Variants in COL11A1 observed in about 807,000 individuals in gnomAD.
The protein encoded by COL11A1 is collagen alpha-1(XI) chain.
Under a neutral mutation model 265.2 loss-of-function variants are expected in COL11A1, and 74 were observed. The observed-to-expected ratio is 0.28, with a 90% CI of 0.23 to 0.34. COL11A1 has a LOEUF of 0.34. Among genes scored for constraint, COL11A1 ranks in the 10% least tolerant of loss-of-function variants. COL11A1 has a pLI of 1.00. For synonymous variants in COL11A1, 816 were observed against 727.6 expected (o/e 1.12, Z -1.96); for missense variants, 2,165 against 2,263.6 (o/e 0.96, Z 0.88).
chr1:102,942,765 ACT>A (rs1195033929), intron 42 of COL11A1, among the ~76,000 whole-genome samples: 1 of 151,962 alleles, frequency 6.6e-6, no homozygotes, highest in Non-Finnish European at 1.5e-5. Flanking sequence ...TTTTTATGGC[ACT>A]CTGATTCACA....
At chr1:103,032,691 T>G (rs1668075814) in intron 4 of COL11A1, among the ~76,000 whole-genome samples, 1 of 152,130 alleles carries the variant, frequency 6.6e-6, no homozygotes, top group Admixed American at 6.6e-5. Flanking sequence ...ACCTGTGGTG[T>G]GGTTGGCACT....
At chr1:103,061,938 C>T (rs1670707158) in intron 4 of COL11A1, among the ~76,000 whole-genome samples, 1 of 151,824 alleles carries the variant, frequency 6.6e-6, no homozygotes, top group Admixed American at 6.6e-5. Flanking sequence ...AATTTATAAG[C>T]CTCTAGCTAA....
At chr1:102,896,941 TA>T in intron 57 of COL11A1, among the ~76,000 whole-genome samples, 1 of 152,248 alleles carries the variant, frequency 6.6e-6, no homozygotes, top group African/African-American at 2.4e-5. Flanking sequence ...TATTCATAAG[TA>T]ATGGTACAGA....
Position 102,997,120 on chromosome 1 carries a change from T to G in COL11A1, c.2201A>C (p.His734Pro). ...TCCAGACTGGCCTTCTTTCCCAGGA[T>G]GACCCTATATTTAGCAAAAACATAC... ...GLPGADGPPGHPGKEGQSGEK... is the reference protein window; with the variant it reads ...GLPGADGPPGPPGKEGQSGEK... Residue 734 changes from histidine (H) to proline (P), a missense_variant, in exon 26 of 67, where the codon CAT (histidine) becomes CCT (proline). Physicochemically the swap from His to Pro is moderately conservative, Grantham distance 77. Coordinates refer to ENST00000370096, the MANE Select transcript of COL11A1 (RefSeq NM_001854.4). The G allele has an allele frequency of 1.2e-6, 2 of 1,611,698 alleles. No individual in the cohort carries two copies. Among genetic ancestry groups the G allele is most frequent in the Non-Finnish European group, 1.7e-6 (2 of 1,178,204 alleles).
intron 4 of COL11A1, among the ~76,000 whole-genome samples, chr1:103,049,308 G>T (rs1669585118): frequency 6.6e-6 from 1 of 152,128 alleles, no homozygotes; most frequent in South Asian, 2.1e-4. Context: ...ATATACTTAG[G>T]ATAGTTAGCT....
chr1:102,962,528 C>A (rs1661018114), intron 39 of COL11A1, 125 bp downstream of exon 39: 1 of 884,864 alleles, frequency 1.1e-6, no homozygotes, highest in South Asian at 1.4e-5. Flanking sequence ...AATAAACGCA[C>A]ATTAAATATT....
At position 103,012,485 on chromosome 1, in the gene COL11A1, T is replaced by C; in HGVS notation, c.1573-16A>G. The C allele has an allele frequency of 3.7e-6, 6 of 1,602,388 alleles. No homozygotes were observed. The highest frequency in any genetic ancestry group is 4.3e-6 in the Non-Finnish European group (5 of 1,169,972). On this transcript the variant is annotated splice_polypyrimidine_tract_variant and intron_variant, in intron 13 of 66. Transcript: ENST00000370096. ...TCAGAGCAATCTAGAAAACAAAATA[T>C]ATCAAATTCAGTAATATTCTCCTGG... is the stretch of plus-strand genomic sequence containing the variant.
chr1:103,095,172 AT>A (rs1673650533), intron 1 of COL11A1, among the ~76,000 whole-genome samples: 1 of 152,112 alleles, frequency 6.6e-6, no homozygotes, highest in Admixed American at 6.6e-5. Context: ...ATAAAATGGA[AT>A]AACAAACTAT....
intron 35 of COL11A1, 118 bp downstream of exon 35, chr1:102,978,590 C>G: frequency 9.1e-7 from 1 of 1,102,086 alleles, no homozygotes; most frequent in South Asian, 1.3e-5. Flanking sequence ...TAAATTCAGA[C>G]TAGATTTTGT....
chr1:102,971,156 A>G (rs1475965922), intron 36 of COL11A1, among the ~76,000 whole-genome samples: 2 of 152,248 alleles, frequency 1.3e-5, no homozygotes, highest in Non-Finnish European at 2.9e-5. Flanking sequence ...AATTTTTCCC[A>G]GTAGATTTTC....
intron 37 of COL11A1, among the ~76,000 whole-genome samples, chr1:102,966,224 G>T (rs142210138): frequency 0.023 from 3,561 of 152,168 alleles, 54 homozygotes; most frequent in Middle Eastern, 0.082. Flanking sequence ...CCACATAATT[G>T]TGTGAATATA....
At position 102,946,830 on chromosome 1, in the gene COL11A1, T is replaced by A. The variant is rs1160926129; in HGVS notation, c.3276+19A>T. 6.3e-7 allele frequency: 1 copy of A among 1,579,970 alleles called. No homozygotes were observed. Among genetic ancestry groups the A allele is most frequent in the Admixed American group, 1.7e-5 (1 of 59,648 alleles). ...TACAGGGTAGCAGCATAATATATTT[T>A]CTCCTAGACATTACTTACAGGAGCA... On this transcript the variant is annotated intron_variant, in intron 42 of 66. Coordinates refer to ENST00000370096, the MANE Select transcript of COL11A1 (RefSeq NM_001854.4).
chr1:103,013,280 A>T (rs993768742), intron 13 of COL11A1, among the ~76,000 whole-genome samples: 2 of 152,000 alleles, frequency 1.3e-5, no homozygotes, highest in Non-Finnish European at 2.9e-5. Context: ...CTACTGACTC[A>T]CCATGAGATT....
At chr1:103,025,676 A>T in intron 6 of COL11A1, 63 bp from the exon 7 acceptor site, 2 of 1,573,360 alleles carry the variant, frequency 1.3e-6, no homozygotes, top group Non-Finnish European at 1.7e-6. Context: ...TATGGAAATC[A>T]TGATTTAATT....
intron 5 of COL11A1, among the ~76,000 whole-genome samples, chr1:103,028,715 C>A (rs1004406314): frequency 6.6e-6 from 1 of 152,022 alleles, no homozygotes; most frequent in African/African-American, 2.4e-5. Context: ...CTGGTGACAT[C>A]AGTAAAAACC....
intron 1 of COL11A1, 79 bp downstream of exon 1, chr1:103,107,994 A>AG (rs1674844313): frequency 1.0e-6 from 1 of 991,842 alleles, no homozygotes; most frequent in African/African-American, 1.6e-5. Flanking sequence ...GCGGGGAGGA[A>AG]GGGTAAAGTG....
intron 53 of COL11A1, among the ~76,000 whole-genome samples, chr1:102,913,029 C>T (rs1654876588): frequency 6.6e-6 from 1 of 152,062 alleles, no homozygotes; most frequent in Non-Finnish European, 1.5e-5. Context: ...AGATATGATC[C>T]ACAGGTCTGT....
intron 64 of COL11A1, among the ~76,000 whole-genome samples, chr1:102,882,256 T>C (rs973133139): frequency 5.3e-5 from 8 of 152,208 alleles, no homozygotes; most frequent in African/African-American, 1.7e-4. Flanking sequence ...GGTTAGAATA[T>C]TTAGAATCTT....
intron 24 of COL11A1, among the ~76,000 whole-genome samples, chr1:102,999,059 T>A (rs919468592): frequency 6.6e-6 from 1 of 151,866 alleles, no homozygotes; most frequent in Non-Finnish European, 1.5e-5. Flanking sequence ...GACATTCTTC[T>A]AAGAATATTA....
Sources: gnomAD v4.1 joint callset for allele counts (sites outside exome capture counted in the v4.1 genomes callset) on GRCh38, gnomAD v4.1.1 for gene constraint, MANE v1.5 for transcripts, NCBI Gene and HGNC (gene_info 2026-07-23, HGNC 2026-07-21) for gene names.